NEDD9: variants seen among roughly 807,000 people sequenced by gnomAD.
NEDD9 encodes the protein neural precursor cell expressed, developmentally down-regulated 9.
In NEDD9, 26 loss-of-function variants were observed where a neutral mutation model predicts 76.6. The ratio of observed to expected loss-of-function variants is 0.34; its 90% confidence interval spans 0.25 to 0.47. The LOEUF (loss-of-function observed/expected upper bound fraction) is 0.47. Among genes scored for constraint, NEDD9 ranks in the 20% least tolerant of loss-of-function variants. NEDD9 has a pLI of 1.00. For synonymous variants in NEDD9, 392 were observed against 414.2 expected (o/e 0.95, Z 0.65); for missense variants, 937 against 1,058.5 (o/e 0.89, Z 1.59).
chr6:11,318,588 G>A (rs1761651593), intron 2 of NEDD9, among the ~76,000 whole-genome samples: 1 of 152,138 alleles, frequency 6.6e-6, no homozygotes. Context: ...TGTTACTCAG[G>A]GGCTGTTGCT....
intron 3 of NEDD9, among the ~76,000 whole-genome samples, chr6:11,263,309 G>A (rs1045898787): frequency 1.3e-5 from 2 of 152,194 alleles, no homozygotes; most frequent in African/African-American, 4.8e-5. Flanking sequence ...ATAGTCTGCA[G>A]TAGATATTAG....
intron 3 of NEDD9, among the ~76,000 whole-genome samples, chr6:11,272,134 T>C (rs913755256): frequency 2.6e-5 from 4 of 152,230 alleles, no homozygotes; most frequent in Admixed American, 2.6e-4. Context: ...CCATGGGTGC[T>C]GAGCCTGGGG....
At chr6:11,306,233 C>A in intron 2 of NEDD9, 1 of 568,956 alleles carries the variant, frequency 1.8e-6, no homozygotes. Flanking sequence ...TTAAGGGTTG[C>A]ATCATAGCAG....
At chr6:11,212,328 C>A (rs1373766747) in intron 2 of NEDD9, among the ~76,000 whole-genome samples, 1 of 152,194 alleles carries the variant, frequency 6.6e-6, no homozygotes, top group East Asian at 1.9e-4. Context: ...ACATAAGCAT[C>A]ACCTTGGTTG....
chr6:11,219,721 C>CTGA (rs1324247294), intron 1 of NEDD9, among the ~76,000 whole-genome samples: 1 of 152,250 alleles, frequency 6.6e-6, no homozygotes, highest in African/African-American at 2.4e-5. Context: ...TTTGTGCATA[C>CTGA]TGACGAAAAC....
intron 3 of NEDD9, chr6:11,258,694 A>C (rs1581986989): frequency 6.6e-6 from 1 of 151,332 alleles, no homozygotes; most frequent in African/African-American, 2.4e-5. Flanking sequence ...GGGTCATTAA[A>C]CTCCCCCAGA....
intron 3 of NEDD9, among the ~76,000 whole-genome samples, chr6:11,294,820 G>C (rs1363677939): frequency 1.3e-5 from 2 of 152,170 alleles, no homozygotes; most frequent in African/African-American, 4.8e-5. Flanking sequence ...CGGTTTGGCT[G>C]TGTCCCCACC....
At chr6:11,189,186 C>A (rs1028419609) in intron 5 of NEDD9, among the ~76,000 whole-genome samples, 2 of 152,132 alleles carry the variant, frequency 1.3e-5, no homozygotes, top group African/African-American at 4.8e-5. Flanking sequence ...ACCTTGTGAT[C>A]CACCTGCTTC....
chr6:11,310,367 A>G (rs1434022134), intron 2 of NEDD9, among the ~76,000 whole-genome samples: 1 of 151,808 alleles, frequency 6.6e-6, no homozygotes, highest in East Asian at 1.9e-4. Context: ...CCTCTTGCCA[A>G]TATGCTCAAC....
rs199674467 is a variant in NEDD9 at position 11,282,750 on chromosome 6, A to T, written c.12+23242T>A. On this transcript the variant is annotated intron_variant, in intron 3 of 3. Transcript: ENST00000397378. ...CCTTCCTTGTTCATCTAAGCCACCA[A>T]TATCTCTCTCCTGAGCTACGGCAAC... Among the ~76,000 whole-genome samples the T allele has an allele frequency of 5.9e-5, 9 of 152,106 alleles. No homozygotes were observed. The East Asian group carries it at 1.5e-3, about 26-fold the overall frequency.
chr6:11,193,782 T>C, intron 2 of NEDD9, 90 bp from the exon 3 acceptor site: 1 of 750,262 alleles, frequency 1.3e-6, no homozygotes, highest in Non-Finnish European at 2.2e-6. Context: ...CCCTCAACTC[T>C]CCCTCATAAA....
chr6:11,362,350 C>T (rs1762693687), intron 1 of NEDD9, among the ~76,000 whole-genome samples: 1 of 152,210 alleles, frequency 6.6e-6, no homozygotes, highest in Non-Finnish European at 1.5e-5. Flanking sequence ...GCAGTCCAAA[C>T]TTATGAGTAC....
chr6:11,192,540 A>G, intron 3 of NEDD9, 94 bp from the exon 4 acceptor site: 1 of 840,938 alleles, frequency 1.2e-6, no homozygotes, highest in Non-Finnish European at 1.9e-6. Context: ...TTTATTTACC[A>G]GGTTATGTAC....
intron 2 of NEDD9, among the ~76,000 whole-genome samples, chr6:11,204,752 A>AAAG (rs1283968605): frequency 6.6e-6 from 1 of 151,132 alleles, no homozygotes; most frequent in Non-Finnish European, 1.5e-5. Context: ...GAAAGAAAGA[A>AAAG]AAGAAAAGGA....
At chr6:11,282,212 C>T (rs1246541715) in intron 3 of NEDD9, among the ~76,000 whole-genome samples, 4 of 152,216 alleles carry the variant, frequency 2.6e-5, no homozygotes, top group South Asian at 2.1e-4. Flanking sequence ...AGATTAAAAA[C>T]GCCATCTGAA....
At chr6:11,237,147 C>T (rs1397307759), upstream of NEDD9, among the ~76,000 whole-genome samples, 1 of 152,200 alleles carries the variant, frequency 6.6e-6, no homozygotes, top group Non-Finnish European at 1.5e-5. The surrounding 1 kb of genome is among the most constrained non-coding windows in gnomAD (Gnocchi z 4.9). Flanking sequence ...TCCTCCCTCC[C>T]TTCACTATGC....
chr6:11,210,157 G>C (rs1296779214), intron 2 of NEDD9, among the ~76,000 whole-genome samples: 1 of 151,960 alleles, frequency 6.6e-6, no homozygotes, highest in Non-Finnish European at 1.5e-5. Flanking sequence ...CTAGTCCTAG[G>C]CCACCACCCA....
chr6:11,232,045 A>C (rs1392847338), intron 1 of NEDD9, among the ~76,000 whole-genome samples: 1 of 152,174 alleles, frequency 6.6e-6, no homozygotes, highest in Non-Finnish European at 1.5e-5. Flanking sequence ...CCGAGACCAA[A>C]CGATTAAAGC....
intron 3 of NEDD9, among the ~76,000 whole-genome samples, chr6:11,256,177 G>C (rs1760003239): frequency 6.6e-6 from 1 of 152,184 alleles, no homozygotes; most frequent in Non-Finnish European, 1.5e-5. Flanking sequence ...AGAGTTAGGG[G>C]AATGTAGGCA....
Sources: gnomAD v4.1 joint callset for allele counts (sites outside exome capture counted in the v4.1 genomes callset) on GRCh38, gnomAD v4.1.1 for gene constraint, Gnocchi (gnomAD v3.1) non-coding constraint, MANE v1.5 for transcripts, NCBI Gene and HGNC (gene_info 2026-07-23, HGNC 2026-07-21) for gene names.